Variants in ST6GALNAC5 observed in about 807,000 individuals in gnomAD.
ST6GALNAC5 encodes ST6 N-acetylgalactosaminide alpha-2,6-sialyltransferase 5, also known as alpha-N-acetylgalactosaminide alpha-2,6-sialyltransferase 5.
Under a neutral mutation model 33.6 loss-of-function variants are expected in ST6GALNAC5, and 27 were observed. That is an observed-to-expected ratio of 0.80 (90% confidence interval 0.59 to 1.11). The LOEUF (loss-of-function observed/expected upper bound fraction) is 1.11, where lower values mean the gene tolerates loss of function less well. ST6GALNAC5 is among the 50% of genes least tolerant of loss of function. ST6GALNAC5 has a pLI of 0.00. For synonymous variants in ST6GALNAC5, 194 were observed against 171.2 expected, an observed-to-expected ratio of 1.13 and a Z score of -1.04; for missense variants, 428 against 454.0, an observed-to-expected ratio of 0.94 and a Z score of 0.52.
intron 2 of ST6GALNAC5, among the ~76,000 whole-genome samples, chr1:76,968,095 G>A (rs146888972): frequency 0.011 from 1,691 of 152,260 alleles, 30 homozygotes; most frequent in African/African-American, 0.039. Flanking sequence ...CTGTCTATTA[G>A]GTCTGCTTGG....
At chr1:76,907,955 G>C (rs778535537) in intron 2 of ST6GALNAC5, among the ~76,000 whole-genome samples, 1 of 152,154 alleles carries the variant, frequency 6.6e-6, no homozygotes, top group East Asian at 1.9e-4. Context: ...CACTTGAGAT[G>C]TTTCAAGCAT....
chr1:76,961,123 A>G (rs576368001), intron 2 of ST6GALNAC5, among the ~76,000 whole-genome samples: 9 of 152,334 alleles, frequency 5.9e-5, no homozygotes, highest in Non-Finnish European at 1.2e-4. Flanking sequence ...TGGGGAACTA[A>G]TAAATGTCCA....
chr1:76,893,326 G>A (rs985008561), intron 2 of ST6GALNAC5, among the ~76,000 whole-genome samples: 1 of 152,210 alleles, frequency 6.6e-6, no homozygotes, highest in South Asian at 2.1e-4. Context: ...TAGAAGTGGT[G>A]TAAAAGACAA....
rs746894100 is a variant in ST6GALNAC5, at chr1:76,868,526, C to T, written c.45C>T (p.Leu15=). 3 of 1,612,342 alleles carry T rather than the reference C, an allele frequency of 1.9e-6. No individual in the cohort carries two copies. Among genetic ancestry groups the T allele is most frequent in the Admixed American group, 1.7e-5 (1 of 59,894 alleles). The stretch of plus-strand genomic sequence containing the variant: ...ATGGTCTGGCAGTGTGTTTAGCGCT[C>T]ACCACCATGTGCACCAGCTTGTTGC... ...MRHGLAVCLA[L]TTMCTSLLLV... is the part of the protein sequence containing the mutation. Residue 15 remains leucine (L), a synonymous_variant, in exon 2 of 5, where the codon CTC becomes CTT. Coordinates refer to ENST00000477717, the MANE Select transcript of ST6GALNAC5 (RefSeq NM_030965.3). This position sits in a 1 kb window ranked among gnomAD's most constrained non-coding sequence, Gnocchi z 4.3.
intron 2 of ST6GALNAC5, among the ~76,000 whole-genome samples, chr1:77,016,949 G>A (rs1650872730): frequency 6.6e-6 from 1 of 152,058 alleles, no homozygotes; most frequent in Non-Finnish European, 1.5e-5. Flanking sequence ...TGAGTGACAT[G>A]AGCAATTTAA....
At position 76,998,436 on chromosome 1, in the gene ST6GALNAC5, A is replaced by G. The variant is rs1650020721; in HGVS notation, c.262-45768A>G. Reference sequence around the variant, plus strand: ...AAAAAAAAGAAAGACTCCATAAATGACATTTTAAAGGGAAAAAATGTTTAT... The same window carrying G: ...AAAAAAAAGAAAGACTCCATAAATGGCATTTTAAAGGGAAAAAATGTTTAT... On this transcript the variant is annotated intron_variant, in intron 2 of 4. Coordinates refer to ENST00000477717, the MANE Select transcript of ST6GALNAC5 (RefSeq NM_030965.3). Among the ~76,000 whole-genome samples the G allele has an allele frequency of 1.3e-5, 2 of 152,112 alleles. 1 individual carries two copies. Among genetic ancestry groups the G allele is most frequent in the South Asian group, 4.1e-4 (2 of 4,832 alleles).
intron 2 of ST6GALNAC5, among the ~76,000 whole-genome samples, chr1:76,904,550 A>T (rs536848650): frequency 3.3e-5 from 5 of 152,310 alleles, no homozygotes; most frequent in Admixed American, 2.6e-4. Flanking sequence ...ATTCAGACAG[A>T]TGTAGTGCCT....
chr1:76,923,564 G>A (rs1481816080), intron 2 of ST6GALNAC5, among the ~76,000 whole-genome samples: 2 of 151,962 alleles, frequency 1.3e-5, no homozygotes, highest in Non-Finnish European at 2.9e-5. Context: ...GTGGCGGCAG[G>A]TAGCTGTAAT....
At chr1:77,037,252 A>G (rs1404227865) in intron 2 of ST6GALNAC5, among the ~76,000 whole-genome samples, 1 of 152,216 alleles carries the variant, frequency 6.6e-6, no homozygotes, top group Non-Finnish European at 1.5e-5. Flanking sequence ...TGCAACAACA[A>G]TATGGATACA....
At chr1:76,905,289 A>G (rs944834139) in intron 2 of ST6GALNAC5, among the ~76,000 whole-genome samples, 2 of 152,170 alleles carry the variant, frequency 1.3e-5, no homozygotes, top group African/African-American at 4.8e-5. Flanking sequence ...TTTCCTGGGC[A>G]TGGAAAGAGT....
At chr1:76,966,124 T>G (rs928417092) in intron 2 of ST6GALNAC5, among the ~76,000 whole-genome samples, 6 of 152,232 alleles carry the variant, frequency 3.9e-5, no homozygotes, top group African/African-American at 1.4e-4. Flanking sequence ...TTTAGTTGTT[T>G]CCAATTCTAT....
rs1002546352 is a variant in ST6GALNAC5, at chr1:76,912,205, G to C, written c.261+43463G>C. On this transcript the variant is annotated intron_variant, in intron 2 of 4. Coordinates refer to ENST00000477717, the MANE Select transcript of ST6GALNAC5 (RefSeq NM_030965.3). ...GTACCCAGTAGTCATTCAGGAGCAG[G>C]TTGTTCAGTTTCCATGTACTTGAGT... is the stretch of plus-strand genomic sequence containing the variant. 3.9e-4 allele frequency among the ~76,000 whole-genome samples: 60 copies of C among 152,222 alleles called. 1 individual carries two copies. The highest frequency in any genetic ancestry group is 1.3e-3 in the African/African-American group (56 of 41,536).
intron 2 of ST6GALNAC5, among the ~76,000 whole-genome samples, chr1:76,871,881 ACT>A (rs982059742): frequency 1.3e-5 from 2 of 151,788 alleles, no homozygotes; most frequent in African/African-American, 4.8e-5. Context: ...TGTTCCACCA[ACT>A]CATTTCCATC....
intron 2 of ST6GALNAC5, among the ~76,000 whole-genome samples, chr1:76,883,093 C>T (rs1653819608): frequency 6.6e-6 from 1 of 152,188 alleles, no homozygotes; most frequent in South Asian, 2.1e-4. Context: ...CAGTCAATCA[C>T]ATATTGACTG....
intron 2 of ST6GALNAC5, among the ~76,000 whole-genome samples, chr1:76,977,397 T>C (rs1649053713): frequency 6.6e-6 from 1 of 152,192 alleles, no homozygotes; most frequent in Admixed American, 6.5e-5. Flanking sequence ...AGCTGTGTTA[T>C]AGGACACCAG....
At chr1:77,054,950 C>T (rs1652342951) in intron 4 of ST6GALNAC5, among the ~76,000 whole-genome samples, 2 of 152,252 alleles carry the variant, frequency 1.3e-5, no homozygotes, top group South Asian at 4.1e-4. Flanking sequence ...ACAGACATAT[C>T]TCATTCAAGA....
chr1:77,022,923 C>T (rs770952921), intron 2 of ST6GALNAC5, among the ~76,000 whole-genome samples: 7 of 152,132 alleles, frequency 4.6e-5, no homozygotes, highest in South Asian at 2.1e-4. Context: ...CAAATTTGTA[C>T]GTGGAAGTCC....
rs150416037 is a variant in ST6GALNAC5 at position 77,009,576 on chromosome 1, A to T, written c.262-34628A>T. On this transcript the variant is annotated intron_variant, in intron 2 of 4. Transcript: ENST00000477717. ...ACTTTTCAGCTGAGTTACATGAGCGACATCAACTATAACACAAGGTGGAAA... is the reference window on the plus strand; with the variant it reads ...ACTTTTCAGCTGAGTTACATGAGCGTCATCAACTATAACACAAGGTGGAAA... 2.8e-3 allele frequency among the ~76,000 whole-genome samples: 428 copies of T among 152,270 alleles called. 1 individual carries two copies. Among genetic ancestry groups the T allele is most frequent in the Admixed American group, 7.7e-3 (118 of 15,302 alleles).
chr1:76,963,617 A>G (rs1033205812), intron 2 of ST6GALNAC5, among the ~76,000 whole-genome samples: 2 of 152,218 alleles, frequency 1.3e-5, no homozygotes, highest in Non-Finnish European at 2.9e-5. Context: ...TGGAGCTGCC[A>G]GAAGCACTCA....
Sources: allele counts gnomAD v4.1 joint callset (sites outside exome capture counted in the v4.1 genomes callset), GRCh38; gene constraint gnomAD v4.1.1; non-coding constraint Gnocchi (gnomAD v3.1); transcripts MANE v1.5; gene names NCBI Gene and HGNC (gene_info 2026-07-23, HGNC 2026-07-21).